TMEM248: variants seen among roughly 807,000 people sequenced by gnomAD.
TMEM248 encodes UPF0458 protein C7orf42.
A neutral mutation model predicts 30.3 loss-of-function variants in TMEM248; 9 were observed. The observed-to-expected ratio is 0.30, with a 90% confidence interval of 0.18 to 0.52. TMEM248 has a LOEUF of 0.52. Ranked by LOEUF, TMEM248 falls within the 20% of genes least tolerant of loss-of-function variation. The probability of loss-of-function intolerance (pLI) is 0.97; values close to 1 mark genes in which losing one functional copy is unlikely to be tolerated. For missense variants in TMEM248, 338 were observed against 403.3 expected (o/e 0.84, Z 1.39); for synonymous variants, 184 against 154.4 (o/e 1.19, Z -1.42).
rs1792439102 is a variant in TMEM248 at position 66,957,855 on chromosome 7, G to C, written c.*2333G>C. 1 of 152,158 alleles carries C rather than the reference G, an allele frequency of 6.6e-6. No homozygotes were observed. The highest frequency in any genetic ancestry group is 2.1e-4 in the South Asian group (1 of 4,830). The allele number at this position is 152,158 out of a possible 1,614,324, so 9.4% of individuals were successfully genotyped here. ...GGACAGATGGCTTGTCCCAAGGCCA[G>C]GACACACACTTTAAAATCCAACATT... On this transcript the variant is annotated 3_prime_UTR_variant, in exon 7 of 7. Coordinates refer to ENST00000341567, the MANE Select transcript of TMEM248 (RefSeq NM_017994.5).
chr7:66,950,292 C>T lies in TMEM248; in HGVS notation c.597-660C>T, dbSNP rs182168204. On this transcript the variant is annotated intron_variant, in intron 4 of 6. Transcript: ENST00000341567. ...GTTTTGAATTGTAGTTCCCATAATC[C>T]TCATGTGTCATGGGAGGGACCCAGT... 6.6e-4 allele frequency among the ~76,000 whole-genome samples: 101 copies of T among 152,144 alleles called. 1 individual carries two copies. The highest frequency in any genetic ancestry group is 2.3e-3 in the African/African-American group (95 of 41,520).
rs543109754 is a variant in TMEM248, at chr7:66,957,512, C to G, written c.*1990C>G. Reference sequence around the variant, plus strand: ...TTTTCTCCTTAGAGACTTTGAGACCCTTAAGAGACAAGATTGAGAAAGAGC... The same window carrying G: ...TTTTCTCCTTAGAGACTTTGAGACCGTTAAGAGACAAGATTGAGAAAGAGC... On this transcript the variant is annotated 3_prime_UTR_variant, in exon 7 of 7. Coordinates refer to ENST00000341567, the MANE Select transcript of TMEM248 (RefSeq NM_017994.5). The G allele has an allele frequency of 1.3e-5, 2 of 152,298 alleles. No individual in the cohort carries two copies. The highest frequency in any genetic ancestry group is 3.9e-4 in the East Asian group (2 of 5,188). The allele number at this position is 152,298 out of a possible 1,614,324, so 9.4% of individuals were successfully genotyped here.
chr7:66,928,651 T>C (rs982261079), intron 1 of TMEM248, among the ~76,000 whole-genome samples: 3 of 152,216 alleles, frequency 2.0e-5, no homozygotes, highest in African/African-American at 7.2e-5. Flanking sequence ...CCTTGTCACC[T>C]GGTTTTTGCC....
At chr7:66,931,300 A>AG (rs1255699619) in intron 1 of TMEM248, among the ~76,000 whole-genome samples, 1 of 96,546 alleles carries the variant, frequency 1.0e-5, no homozygotes, top group African/African-American at 4.1e-5. Flanking sequence ...AATATCTCAA[A>AG]AAAAAAAAAA....
chr7:66,945,052 C>A lies in TMEM248; in HGVS notation c.236C>A (p.Thr79Lys). 1.2e-6 allele frequency: 2 copies of A among 1,614,228 alleles called. No individual in the cohort carries two copies. Among genetic ancestry groups the A allele is most frequent in the Non-Finnish European group, 1.7e-6 (2 of 1,180,050 alleles). ...VSENETLKHL[T>K]NDTTTPESTM... ...GAGAATGAAACCCTCAAGCATCTCA[C>A]AAACGACACCACAACTCCGGAAAGT... Residue 79 changes from threonine (T) to lysine (K), a missense_variant, in exon 3 of 7, where the codon ACA becomes AAA. Thr to Lys is a moderately conservative substitution (Grantham distance 78, BLOSUM62 -1). Transcript: ENST00000341567.
chr7:66,941,811 AAGTC>A (rs1398743850), intron 1 of TMEM248, 33 bp from the exon 2 acceptor site: 4 of 1,548,220 alleles, frequency 2.6e-6, no homozygotes, highest in Non-Finnish European at 3.5e-6. Context: ...TCCTGTTGGC[AAGTC>A]AGTCCTTGAA....
intron 1 of TMEM248, among the ~76,000 whole-genome samples, chr7:66,927,446 T>G (rs1791554546): frequency 6.6e-6 from 1 of 151,892 alleles, no homozygotes; most frequent in South Asian, 2.1e-4. Flanking sequence ...ATCTTTTTTT[T>G]TTTTTTGAGA....
intron 3 of TMEM248, 148 bp from the exon 4 acceptor site, chr7:66,948,396 C>G: frequency 1.0e-6 from 1 of 953,090 alleles, no homozygotes; most frequent in Non-Finnish European, 1.6e-6. Context: ...AGGGTCAGGA[C>G]TGCTCTTCTT....
At chr7:66,928,632 C>G (rs945666636) in intron 1 of TMEM248, among the ~76,000 whole-genome samples, 13 of 152,202 alleles carry the variant, frequency 8.5e-5, no homozygotes, top group Admixed American at 2.0e-4. Context: ...TCTCTTCTCA[C>G]TCCTTCGTCC....
intron 5 of TMEM248, 128 bp from the exon 6 acceptor site, chr7:66,953,098 C>G (rs1792311447): frequency 1.2e-5 from 12 of 1,039,322 alleles, no homozygotes; most frequent in Non-Finnish European, 1.7e-5. Context: ...GAAACCTCCT[C>G]TTGCAGCTTA....
intron 3 of TMEM248, among the ~76,000 whole-genome samples, chr7:66,947,903 G>A (rs930617933): frequency 5.3e-5 from 8 of 152,008 alleles, no homozygotes; most frequent in South Asian, 2.1e-4. Flanking sequence ...GTGTGCACCA[G>A]TACACCTGGC....
At chr7:66,943,661 G>A (rs545785593) in intron 2 of TMEM248, among the ~76,000 whole-genome samples, 83 of 151,902 alleles carry the variant, frequency 5.5e-4, no homozygotes, top group Non-Finnish European at 1.1e-3. Flanking sequence ...GTACTAGAAT[G>A]GTCAGTTGAG....
In TMEM248 at chr7:66,956,688, C is replaced by G. The variant is rs771272998; in HGVS notation, c.*1166C>G. 6.0e-5 allele frequency: 9 copies of G among 150,940 alleles called. No individual in the cohort carries two copies. Among genetic ancestry groups the G allele is most frequent in the Non-Finnish European group, 8.9e-5 (6 of 67,660 alleles). The allele number at this position is 150,940 out of a possible 1,614,324, so 9.4% of individuals were successfully genotyped here. A position where few individuals can be genotyped will look rare whatever the true frequency, so the allele number is the denominator to read the frequency against. ...TTTTCTTATAACTTTTTTTCTTTTT[C>G]TTTTTTTTTGGAGGGGGGAGGCAGG... On this transcript the variant is annotated 3_prime_UTR_variant, in exon 7 of 7. Transcript: ENST00000341567.
At chr7:66,954,288 A>G (rs962126672) in intron 6 of TMEM248, among the ~76,000 whole-genome samples, 14 of 152,116 alleles carry the variant, frequency 9.2e-5, no homozygotes, top group African/African-American at 3.4e-4. Flanking sequence ...TACTATGTAA[A>G]TAGTTGTTAC....
intron 5 of TMEM248, among the ~76,000 whole-genome samples, chr7:66,951,949 G>T (rs189534815): frequency 1.3e-5 from 2 of 151,982 alleles, no homozygotes; most frequent in African/African-American, 4.8e-5. Flanking sequence ...GGTATGAGCC[G>T]CTGCACCTGG....
At chr7:66,942,615 C>T (rs1003299859) in intron 2 of TMEM248, among the ~76,000 whole-genome samples, 7 of 152,190 alleles carry the variant, frequency 4.6e-5, no homozygotes, top group Admixed American at 6.5e-5. Flanking sequence ...CCTGCCTCAG[C>T]CTCCTGAGTA....
intron 1 of TMEM248, among the ~76,000 whole-genome samples, chr7:66,927,507 C>G (rs780186194): frequency 6.6e-6 from 1 of 151,636 alleles, no homozygotes; most frequent in Admixed American, 6.6e-5. Flanking sequence ...TGACCATAGC[C>G]GTGGCTCACA....
At chr7:66,922,757 G>T (rs1422120985) in intron 1 of TMEM248, among the ~76,000 whole-genome samples, 1 of 152,156 alleles carries the variant, frequency 6.6e-6, no homozygotes, top group African/African-American at 2.4e-5. Context: ...CCAGGCTGGA[G>T]TGCAGTGGTG....
chr7:66,943,925 G>T lies in TMEM248; in HGVS notation c.160-1051G>T, dbSNP rs534429664. ...TTTTCGTGCCTCAGCCTTCCAAGTA[G>T]CTGGGATTACAGGCATGCGCCACCA... On this transcript the variant is annotated intron_variant, in intron 2 of 6. Transcript: ENST00000341567. Among the ~76,000 whole-genome samples the T allele has an allele frequency of 3.3e-5, 5 of 152,000 alleles. No individual in the cohort carries two copies. The East Asian group carries it at 7.8e-4, about 24-fold the overall frequency.
Sources: gnomAD v4.1 joint callset for allele counts (sites outside exome capture counted in the v4.1 genomes callset) on GRCh38, gnomAD v4.1.1 for gene constraint, MANE v1.5 for transcripts, NCBI Gene and HGNC (gene_info 2026-07-23, HGNC 2026-07-21) for gene names.